ZSWIM6: variants seen among roughly 807,000 people sequenced by gnomAD.
ZSWIM6 encodes zinc finger SWIM domain-containing protein 6.
In ZSWIM6, 9 loss-of-function variants were observed where a neutral mutation model predicts 113.2. The observed-to-expected ratio is 0.08, with a 90% confidence interval of 0.05 to 0.14. The LOEUF (loss-of-function observed/expected upper bound fraction) is 0.14. ZSWIM6 is among the 10% of genes least tolerant of loss of function. The probability of loss-of-function intolerance (pLI) is 1.00; values close to 1 mark genes in which losing one functional copy is unlikely to be tolerated. For synonymous variants in ZSWIM6, 611 were observed against 606.5 expected, an observed-to-expected ratio of 1.01 and a Z score of -0.11; for missense variants, 1,162 against 1,552.2, an observed-to-expected ratio of 0.75 and a Z score of 4.22.
chr5:61,333,599 T>G (rs1448571440), intron 1 of ZSWIM6, among the ~76,000 whole-genome samples: 1 of 151,840 alleles, frequency 6.6e-6, no homozygotes, highest in Non-Finnish European at 1.5e-5. Flanking sequence ...GCCCGGGGTT[T>G]AAATGTCGTT....
chr5:61,384,448 G>C (rs1745552717), intron 1 of ZSWIM6, among the ~76,000 whole-genome samples: 1 of 152,038 alleles, frequency 6.6e-6, no homozygotes, highest in South Asian at 2.1e-4. Context: ...TTTGAGTCTG[G>C]GCAGGGAAGA....
chr5:61,423,120 G>A (rs1746387190), intron 1 of ZSWIM6, among the ~76,000 whole-genome samples: 1 of 151,892 alleles, frequency 6.6e-6, no homozygotes, highest in Non-Finnish European at 1.5e-5. Context: ...AATAATAGTG[G>A]TGAGGGCCAG....
chr5:61,505,070 G>A (rs2112235407), intron 4 of ZSWIM6, among the ~76,000 whole-genome samples: 1 of 152,298 alleles, frequency 6.6e-6, no homozygotes, highest in African/African-American at 2.4e-5. Flanking sequence ...ACTATTATGT[G>A]TCAGTTGAGT....
intron 1 of ZSWIM6, among the ~76,000 whole-genome samples, chr5:61,437,270 A>T (rs1362466656): frequency 2.0e-5 from 3 of 152,180 alleles, no homozygotes; most frequent in Non-Finnish European, 4.4e-5. Context: ...AAAATAGATT[A>T]ACCTTTTTAA....
At chr5:61,427,348 A>G (rs1374324385) in intron 1 of ZSWIM6, among the ~76,000 whole-genome samples, 1 of 152,226 alleles carries the variant, frequency 6.6e-6, no homozygotes, top group Non-Finnish European at 1.5e-5. Flanking sequence ...CACTTTAAAT[A>G]ATCTCTGGGT....
At chr5:61,351,030 A>G (rs1744772314) in intron 1 of ZSWIM6, among the ~76,000 whole-genome samples, 2 of 152,220 alleles carry the variant, frequency 1.3e-5, no homozygotes, top group Admixed American at 6.5e-5. Context: ...GAAAGGAAAC[A>G]TTGTTTTAAA....
intron 1 of ZSWIM6, among the ~76,000 whole-genome samples, chr5:61,411,967 A>G (rs536055967): frequency 1.3e-5 from 2 of 152,366 alleles, no homozygotes; most frequent in South Asian, 2.1e-4. Context: ...AATCAAAGAC[A>G]TTATAGCTGC....
intron 7 of ZSWIM6, among the ~76,000 whole-genome samples, chr5:61,527,618 G>A (rs2112271269): frequency 6.6e-6 from 1 of 152,174 alleles, no homozygotes; most frequent in South Asian, 2.1e-4. Context: ...AGGTACTTTG[G>A]AAAATTTTTC....
chr5:61,417,705 C>A (rs922927280), intron 1 of ZSWIM6, among the ~76,000 whole-genome samples: 4 of 152,194 alleles, frequency 2.6e-5, no homozygotes, highest in African/African-American at 9.6e-5. Flanking sequence ...CAGTTAAGGA[C>A]TTTTGTTTTG....
At chr5:61,489,059 T>C (rs1748107433) in intron 2 of ZSWIM6, among the ~76,000 whole-genome samples, 1 of 152,036 alleles carries the variant, frequency 6.6e-6, no homozygotes, top group Non-Finnish European at 1.5e-5. Flanking sequence ...AGGATTATCT[T>C]GTATTACTCT....
chr5:61,478,248 G>A (rs1359682410), intron 2 of ZSWIM6, among the ~76,000 whole-genome samples: 2 of 152,146 alleles, frequency 1.3e-5, no homozygotes, highest in Non-Finnish European at 2.9e-5. Flanking sequence ...AAGTGCAGTA[G>A]AGTGAAACTT....
chr5:61,539,077 T>G lies in ZSWIM6; in HGVS notation c.2539+106T>G, dbSNP rs1052073578. 28 of 1,260,916 alleles carry G rather than the reference T, an allele frequency of 2.2e-5. No individual in the cohort carries two copies. In the Middle Eastern group the frequency reaches 7.8e-4, roughly 35 times the overall value. The allele number at this position is 1,260,916 out of a possible 1,614,324, so 78.1% of individuals were successfully genotyped here. ...TCTCAGCAGTGGTGTTAATGTCAGA[T>G]AGGTTGAAGGGATCTTTTTCTTTAG... On this transcript the variant is annotated intron_variant, in intron 11 of 13. Coordinates refer to ENST00000252744, the MANE Select transcript of ZSWIM6 (RefSeq NM_020928.2).
Position 61,491,243 on chromosome 5 carries a change from T to C in ZSWIM6, c.1182+309T>C, listed in dbSNP as rs1031199459. Among the ~76,000 whole-genome samples, 11 of 152,194 alleles carry C rather than the reference T, an allele frequency of 7.2e-5. No individual in the cohort carries two copies. In the South Asian group the frequency reaches 1.9e-3, roughly 26 times the overall value. ...AGTGTTATTCAAAATGCCATTTTTT[T>C]CAAGTTTTTCCCTTTCTAGTTAATT... On this transcript the variant is annotated intron_variant, in intron 3 of 13. Transcript: ENST00000252744.
At chr5:61,390,604 AT>A (rs1007780952) in intron 1 of ZSWIM6, 1,838 of 599,148 alleles carry the variant, frequency 3.1e-3, no homozygotes, top group East Asian at 5.9e-3. Flanking sequence ...CAAAAATGGT[AT>A]TTTTTTTTTC....
chr5:61,542,752 A>G (rs1749775880), intron 13 of ZSWIM6, among the ~76,000 whole-genome samples: 1 of 152,232 alleles, frequency 6.6e-6, no homozygotes, highest in African/African-American at 2.4e-5. Context: ...TTAGTGAAGC[A>G]AAACAAAAAT....
chr5:61,542,033 A>G (rs1241944312), intron 13 of ZSWIM6, 68 bp downstream of exon 13: 5 of 1,353,256 alleles, frequency 3.7e-6, no homozygotes, highest in Non-Finnish European at 5.1e-6. Context: ...TCAGTTACAG[A>G]CATGTGAACA....
At chr5:61,428,826 T>A (rs1246530859) in intron 1 of ZSWIM6, among the ~76,000 whole-genome samples, 2 of 152,238 alleles carry the variant, frequency 1.3e-5, no homozygotes, top group African/African-American at 4.8e-5. Context: ...TTTTTCTTTC[T>A]TTCTGATCTG....
intron 1 of ZSWIM6, among the ~76,000 whole-genome samples, chr5:61,365,733 T>C (rs1195283821): frequency 1.3e-5 from 2 of 152,146 alleles, no homozygotes; most frequent in Non-Finnish European, 2.9e-5. Context: ...TGGAGTCAAT[T>C]CCCTTTGCTG....
At chr5:61,475,580 G>T (rs942098200) in intron 2 of ZSWIM6, among the ~76,000 whole-genome samples, 2 of 152,024 alleles carry the variant, frequency 1.3e-5, no homozygotes, top group African/African-American at 4.8e-5. Flanking sequence ...AGTTTATCCC[G>T]CCAGCTTTCT....
Sources: gnomAD v4.1 joint callset for allele counts (sites outside exome capture counted in the v4.1 genomes callset) on GRCh38, gnomAD v4.1.1 for gene constraint, MANE v1.5 for transcripts, NCBI Gene and HGNC (gene_info 2026-07-23, HGNC 2026-07-21) for gene names.